The following PTPN14 variants were observed in gnomAD, a reference collection of about 807,000 sequenced individuals.
The protein encoded by PTPN14 is tyrosine-protein phosphatase non-receptor type 14.
A neutral mutation model predicts 126.8 loss-of-function variants in PTPN14; 53 were observed. The ratio of observed to expected loss-of-function variants is 0.42; its 90% CI spans 0.34 to 0.53. PTPN14 has a LOEUF of 0.53. Ranked by LOEUF, PTPN14 falls within the 20% of genes least tolerant of loss-of-function variation. The probability of loss-of-function intolerance (pLI) is 0.08; values close to 1 mark genes in which losing one functional copy is unlikely to be tolerated. For synonymous variants in PTPN14, 630 were observed against 599.3 expected (o/e 1.05, Z -0.75); for missense variants, 1,257 against 1,552.9 (o/e 0.81, Z 3.20).
At chr1:214,387,409 G>A (rs1658645726) in intron 11 of PTPN14, among the ~76,000 whole-genome samples, 1 of 152,170 alleles carries the variant, frequency 6.6e-6, no homozygotes, top group African/African-American at 2.4e-5. Flanking sequence ...CTACTCGCGA[G>A]CTGAGGCAGG....
chr1:214,436,479 C>A (rs4253890), intron 3 of PTPN14, among the ~76,000 whole-genome samples: 111,096 of 152,182 alleles, frequency 0.73, 40,653 homozygotes, highest in Admixed American at 0.78. Flanking sequence ...CATATTTTTT[C>A]AAGTAAGTGT....
At chr1:214,479,921 T>C (rs1660949394) in intron 1 of PTPN14, among the ~76,000 whole-genome samples, 1 of 152,218 alleles carries the variant, frequency 6.6e-6, no homozygotes, top group Non-Finnish European at 1.5e-5. Context: ...GTTTAATTTA[T>C]TGTGTAACTG....
chr1:214,526,054 C>A (rs1171692694), intron 1 of PTPN14, among the ~76,000 whole-genome samples: 1 of 150,906 alleles, frequency 6.6e-6, no homozygotes, highest in African/African-American at 2.4e-5. Context: ...CAGCCCCTGT[C>A]TCCTGGGTTC....
At chr1:214,548,732 G>A (rs772879039) in intron 1 of PTPN14, among the ~76,000 whole-genome samples, 2 of 152,016 alleles carry the variant, frequency 1.3e-5, no homozygotes, top group Non-Finnish European at 2.9e-5. Context: ...GAAGGCACTG[G>A]AAAATAAAAA....
intron 3 of PTPN14, among the ~76,000 whole-genome samples, chr1:214,421,386 G>C (rs939773787): frequency 1.3e-5 from 2 of 152,186 alleles, no homozygotes; most frequent in African/African-American, 4.8e-5. Context: ...GGTTGCCAGA[G>C]GTTGAGGGAA....
chr1:214,548,790 A>T (rs990867176), intron 1 of PTPN14, among the ~76,000 whole-genome samples: 3 of 152,192 alleles, frequency 2.0e-5, no homozygotes, highest in African/African-American at 7.2e-5. Context: ...GGCAAATAAG[A>T]ATTATTCTAA....
intron 16 of PTPN14, among the ~76,000 whole-genome samples, chr1:214,369,975 T>C (rs563017790): frequency 2.0e-4 from 31 of 152,278 alleles, no homozygotes; most frequent in African/African-American, 7.0e-4. Context: ...GGAACAAGCT[T>C]CGTGCATTCA....
chr1:214,523,902 T>C (rs1412639984), intron 1 of PTPN14, among the ~76,000 whole-genome samples: 1 of 147,360 alleles, frequency 6.8e-6, no homozygotes, highest in African/African-American at 2.5e-5. Context: ...CAGGCTGGAG[T>C]GCAGTGGTAC....
chr1:214,397,869 C>T (rs1658922580), intron 8 of PTPN14, 44 bp downstream of exon 8: 5 of 1,474,210 alleles, frequency 3.4e-6, no homozygotes, highest in Non-Finnish European at 4.7e-6. Context: ...ATTACAGTTC[C>T]TCAAGGTAAA....
rs1188740659 is a variant in PTPN14, at chr1:214,354,410, C to T, written c.*3512G>A. On this transcript the variant is annotated 3_prime_UTR_variant, in exon 19 of 19. Coordinates refer to ENST00000366956, the MANE Select transcript of PTPN14 (RefSeq NM_005401.5). Reference sequence around the variant, plus strand: ...CAATGTTTAACATCCTTTTTTCATGCAACTAAATCCTCCTTTACTTCCTAT... The same window carrying T: ...CAATGTTTAACATCCTTTTTTCATGTAACTAAATCCTCCTTTACTTCCTAT... The T allele has an allele frequency of 6.6e-6, 1 of 152,144 alleles. No individual in the cohort carries two copies. The highest frequency in any genetic ancestry group is 1.5e-5 in the Non-Finnish European group (1 of 68,032). 9.4% of individuals were successfully genotyped at this position (152,144 alleles called of 1,614,324 possible).
At chr1:214,505,206 G>A (rs1654808627) in intron 1 of PTPN14, among the ~76,000 whole-genome samples, 1 of 151,560 alleles carries the variant, frequency 6.6e-6, no homozygotes, top group Non-Finnish European at 1.5e-5. Context: ...TGTGACAGGA[G>A]GACATGGGAT....
chr1:214,516,815 A>G (rs1018086146), intron 1 of PTPN14, among the ~76,000 whole-genome samples: 3 of 152,114 alleles, frequency 2.0e-5, no homozygotes, highest in African/African-American at 7.2e-5. Flanking sequence ...CTTTACAAAC[A>G]GAAAAGGCAC....
chr1:214,440,830 T>C (rs777504765), intron 3 of PTPN14, among the ~76,000 whole-genome samples: 8 of 151,996 alleles, frequency 5.3e-5, no homozygotes, highest in Non-Finnish European at 4.4e-5. Context: ...CCCTAGGGAG[T>C]GGAGAACTAG....
chr1:214,527,082 A>AAAGATGGG (rs1255952519), intron 1 of PTPN14, among the ~76,000 whole-genome samples: 5 of 150,746 alleles, frequency 3.3e-5, no homozygotes, highest in Non-Finnish European at 3.0e-5. Context: ...CAACAGCAAA[A>AAAGATGGG]CTCCATCTCC....
chr1:214,394,988 T>C lies in PTPN14; in HGVS notation c.759-2A>G. 1 of 1,607,648 alleles carries C rather than the reference T, an allele frequency of 6.2e-7. No homozygotes were observed. On this transcript the variant is annotated splice_acceptor_variant, in intron 8 of 18. Coordinates refer to ENST00000366956, the MANE Select transcript of PTPN14 (RefSeq NM_005401.5). LOFTEE classifies it high-confidence loss of function. ...GTGATATTCCCCATGTCATTCCACC[T>C]GGTTAGAAGAAATGTCACTGTGTTT...
chr1:214,536,408 T>C (rs1393064903), intron 1 of PTPN14, among the ~76,000 whole-genome samples: 1 of 150,876 alleles, frequency 6.6e-6, no homozygotes, highest in Non-Finnish European at 1.5e-5. Flanking sequence ...ACCTTGTCTT[T>C]AAAAAATTAA....
chr1:214,539,745 T>TTC (rs1655791712), intron 1 of PTPN14, among the ~76,000 whole-genome samples: 1 of 152,086 alleles, frequency 6.6e-6, no homozygotes, highest in Non-Finnish European at 1.5e-5. Flanking sequence ...GCAGTTTGAA[T>TTC]AACTACTAAA....
chr1:214,371,580 TC>T (rs1189631923), intron 16 of PTPN14, among the ~76,000 whole-genome samples: 10 of 152,196 alleles, frequency 6.6e-5, no homozygotes, highest in African/African-American at 1.7e-4. Flanking sequence ...GGACATAAGC[TC>T]TATGGGGACA....
chr1:214,384,278 C>G lies in PTPN14; in HGVS notation c.1577G>C (p.Ser526Thr). Residue 526 changes from serine (S) to threonine (T), a missense_variant, in exon 13 of 19, where the codon AGC becomes ACC. Around this residue, in one of 3 missense-constraint regions of PTPN14, gnomAD observed 1,021 missense variants for 1,183.3 expected, o/e 0.86. Coordinates refer to ENST00000366956, the MANE Select transcript of PTPN14 (RefSeq NM_005401.5). The surrounding 1 kb of genome is among the most constrained non-coding windows in gnomAD (Gnocchi z 5.3). ...QRNPKNNVVP[S>T]KPGASAISHT... ...CGAGATGGCGCTTGCCCCCGGCTTG[C>G]TTGGTACCACATTATTCTTTGGGTT... is the stretch of plus-strand genomic sequence containing the variant. 2 of 1,614,172 alleles carry G rather than the reference C, an allele frequency of 1.2e-6. No homozygotes were observed. Among genetic ancestry groups the G allele is most frequent in the Non-Finnish European group, 1.7e-6 (2 of 1,180,024 alleles).
Sources: allele counts gnomAD v4.1 joint callset (sites outside exome capture counted in the v4.1 genomes callset), GRCh38; gene constraint gnomAD v4.1.1; regional missense constraint gnomAD v4.1.1; non-coding constraint Gnocchi (gnomAD v3.1); transcripts MANE v1.5; gene names NCBI Gene and HGNC (gene_info 2026-07-23, HGNC 2026-07-21).